Variants in DENND2C observed in about 807,000 individuals in gnomAD.
The protein encoded by DENND2C is DENN domain containing 2C.
In DENND2C, 72 loss-of-function variants were observed where a neutral mutation model predicts 112.4. The observed-to-expected ratio is 0.64, with a 90% CI of 0.53 to 0.78. DENND2C has a LOEUF of 0.78. Ranked by LOEUF, DENND2C falls within the 30% of genes least tolerant of loss-of-function variation. The probability of loss-of-function intolerance (pLI) is 0.00; values close to 1 mark genes in which losing one functional copy is unlikely to be tolerated. For missense variants in DENND2C, 992 were observed against 1,113.8 expected (o/e 0.89, Z 1.56); for synonymous variants, 329 against 381.6 (o/e 0.86, Z 1.61).
chr1:114,591,630 A>G lies in DENND2C; in HGVS notation c.2431+2843T>C, dbSNP rs1036699855. On this transcript the variant is annotated intron_variant, in intron 18 of 20. Transcript: ENST00000393274. ...AAAATGTAAAGATTTAACACAGTCA[A>G]ATTAACCTGTCTTTTCCTTTATGGT... Among the ~76,000 whole-genome samples the G allele has an allele frequency of 3.3e-5, 5 of 152,130 alleles. No homozygotes were observed. The East Asian group carries it at 5.8e-4, about 18-fold the overall frequency.
intron 3 of DENND2C, among the ~76,000 whole-genome samples, chr1:114,628,623 A>G (rs935769080): frequency 1.3e-5 from 2 of 152,226 alleles, no homozygotes; most frequent in African/African-American, 4.8e-5. Context: ...TCACAGTCCC[A>G]ATTTTTGCCA....
intron 3 of DENND2C, among the ~76,000 whole-genome samples, chr1:114,643,283 T>C (rs1656895255): frequency 6.6e-6 from 1 of 152,158 alleles, no homozygotes; most frequent in African/African-American, 2.4e-5. Context: ...GCTCAGGAAG[T>C]TGGGTGGGAA....
At chr1:114,600,171 A>G in intron 15 of DENND2C, 33 bp downstream of exon 15, 1 of 1,587,548 alleles carries the variant, frequency 6.3e-7, no homozygotes. Context: ...ATAAAACACC[A>G]GTGTGAAGTA....
chr1:114,603,257 C>T (rs1454295275), intron 11 of DENND2C, among the ~76,000 whole-genome samples: 2 of 152,072 alleles, frequency 1.3e-5, no homozygotes, highest in Non-Finnish European at 2.9e-5. Flanking sequence ...GCTCCTGCCT[C>T]AGCCTCCCGA....
At position 114,585,623 on chromosome 1, in the gene DENND2C, T is replaced by C. The variant is rs575062106; in HGVS notation, c.2764A>G (p.Met922Val). The C allele has an allele frequency of 6.2e-7, 1 of 1,613,848 alleles. No homozygotes were observed. Among genetic ancestry groups the C allele is most frequent in the Non-Finnish European group, 8.5e-7 (1 of 1,179,762 alleles). ...NRILRSLGSK[M>V]KFLQKK ...TTTCATTTCTTTTGCAGAAATTTCA[T>C]TTTGCTTCCTAAAGGGAAAGAAAAG... is the stretch of plus-strand genomic sequence containing the variant. Residue 922 changes from methionine to valine, a missense_variant, in exon 21 of 21, where the codon ATG becomes GTG. Met to Val is a conservative substitution (Grantham distance 21, BLOSUM62 1). Around this residue, in one of 3 missense-constraint regions of DENND2C, gnomAD observed 516 missense variants for 623.6 expected, o/e 0.83. Coordinates refer to ENST00000393274, the MANE Select transcript of DENND2C (RefSeq NM_001256404.2).
At chr1:114,605,818 T>C (rs904721724) in intron 10 of DENND2C, among the ~76,000 whole-genome samples, 3 of 152,116 alleles carry the variant, frequency 2.0e-5, no homozygotes, top group Admixed American at 6.5e-5. Flanking sequence ...AAAGATACTA[T>C]TTTGAGAATC....
chr1:114,612,247 A>G (rs1268368112), intron 8 of DENND2C, among the ~76,000 whole-genome samples: 2 of 152,340 alleles, frequency 1.3e-5, no homozygotes, highest in East Asian at 3.9e-4. Context: ...AATAAAGCAT[A>G]GTATTTATTG....
At chr1:114,667,499 G>A (rs1190725928) in intron 1 of DENND2C, among the ~76,000 whole-genome samples, 2 of 152,082 alleles carry the variant, frequency 1.3e-5, no homozygotes, top group Admixed American at 1.3e-4. Context: ...TTAAGATAAT[G>A]CCATAACTGT....
chr1:114,617,122 T>A (rs1412674207), intron 8 of DENND2C, among the ~76,000 whole-genome samples: 1 of 152,042 alleles, frequency 6.6e-6, no homozygotes, highest in African/African-American at 2.4e-5. Flanking sequence ...TCCCACAACA[T>A]ATGGGAATTC....
At chr1:114,641,738 A>G (rs1195278358) in intron 3 of DENND2C, among the ~76,000 whole-genome samples, 1 of 152,154 alleles carries the variant, frequency 6.6e-6, no homozygotes, top group East Asian at 1.9e-4. Context: ...ACCCAGCCTC[A>G]GGTAATCCTT....
chr1:114,594,360 G>T, intron 18 of DENND2C, 113 bp downstream of exon 18: 2 of 839,040 alleles, frequency 2.4e-6, no homozygotes, highest in Non-Finnish European at 1.9e-6. Flanking sequence ...GATTTTCAGC[G>T]CACAGGCAAT....
rs1057249311 is a variant in DENND2C, at chr1:114,590,973, AT to A, written c.2432-3022del. Among the ~76,000 whole-genome samples, 788 of 147,048 alleles carry A rather than the reference AT, an allele frequency of 5.4e-3. 7 individuals are homozygous for A. The highest frequency in any genetic ancestry group is 0.018 in the African/African-American group (734 of 40,306). ...CCAACACTTGATATTGTCAGACTTA[AT>A]TTTTTTTTTTGAGACAGGGTCTTGC... On this transcript the variant is annotated intron_variant, in intron 18 of 20. Coordinates refer to ENST00000393274, the MANE Select transcript of DENND2C (RefSeq NM_001256404.2).
chr1:114,638,079 T>C (rs1477045611), intron 3 of DENND2C, among the ~76,000 whole-genome samples: 2 of 152,162 alleles, frequency 1.3e-5, no homozygotes, highest in Non-Finnish European at 2.9e-5. Context: ...ACAATGTATA[T>C]TAGTTGACAG....
intron 3 of DENND2C, among the ~76,000 whole-genome samples, chr1:114,631,973 CT>C (rs1176374599): frequency 4.6e-5 from 7 of 152,046 alleles, no homozygotes; most frequent in African/African-American, 1.7e-4. Flanking sequence ...AATAAAACTT[CT>C]GGAGCTTAAA....
At chr1:114,597,198 C>T (rs1314797274) in intron 16 of DENND2C, among the ~76,000 whole-genome samples, 1 of 152,168 alleles carries the variant, frequency 6.6e-6, no homozygotes, top group Non-Finnish European at 1.5e-5. Flanking sequence ...AATCCCAGCA[C>T]TTTGGGAGGC....
chr1:114,587,299 G>T, intron 20 of DENND2C, 88 bp downstream of exon 20: 2 of 1,440,280 alleles, frequency 1.4e-6, no homozygotes, highest in South Asian at 2.3e-5. Context: ...CTCCTTACTT[G>T]ACCTCGCAAA....
intron 1 of DENND2C, among the ~76,000 whole-genome samples, chr1:114,668,267 GC>G (rs890078608): frequency 6.6e-6 from 1 of 152,080 alleles, no homozygotes; most frequent in African/African-American, 2.4e-5. Flanking sequence ...CCACTGAATT[GC>G]TGAAACATGT....
chr1:114,590,094 A>C (rs907163037), intron 18 of DENND2C, among the ~76,000 whole-genome samples: 2 of 152,238 alleles, frequency 1.3e-5, no homozygotes, highest in East Asian at 3.8e-4. Flanking sequence ...TATGTTTTTA[A>C]GATTCATTTT....
intron 16 of DENND2C, among the ~76,000 whole-genome samples, chr1:114,596,242 G>C (rs1477684455): frequency 6.6e-6 from 1 of 152,108 alleles, no homozygotes; most frequent in African/African-American, 2.4e-5. Flanking sequence ...CACACCTGTA[G>C]TCCCAGCTAC....
Sources: allele counts gnomAD v4.1 joint callset (sites outside exome capture counted in the v4.1 genomes callset), GRCh38; gene constraint gnomAD v4.1.1; regional missense constraint gnomAD v4.1.1; transcripts MANE v1.5; gene names NCBI Gene and HGNC (gene_info 2026-07-23, HGNC 2026-07-21).